CNBD1: variants seen among roughly 807,000 people sequenced by gnomAD.
CNBD1 encodes cyclic nucleotide binding domain containing 1.
Under a neutral mutation model 54.4 loss-of-function variants are expected in CNBD1, and 71 were observed. That is an observed-to-expected ratio of 1.30 (90% confidence interval 1.08 to 1.59). The LOEUF is 1.59. Among genes scored for constraint, CNBD1 ranks in the 40% most tolerant of loss-of-function variants. The pLI, the probability that CNBD1 is intolerant of heterozygous loss-of-function variation, is 0.00. For missense variants in CNBD1, 659 were observed against 518.0 expected, an observed-to-expected ratio of 1.27 and a Z score of -2.64; for synonymous variants, 182 against 170.7, an observed-to-expected ratio of 1.07 and a Z score of -0.51.
chr8:87,107,407 C>G (rs980863774), intron 4 of CNBD1, among the ~76,000 whole-genome samples: 32 of 152,300 alleles, frequency 2.1e-4, no homozygotes, highest in Admixed American at 7.2e-4. Context: ...ATCCTGAACT[C>G]TTTGCTCACC....
chr8:87,151,612 T>C (rs139382217), intron 4 of CNBD1, among the ~76,000 whole-genome samples: 1 of 152,298 alleles, frequency 6.6e-6, no homozygotes, highest in East Asian at 1.9e-4. Flanking sequence ...TTGCTAGGTA[T>C]GAGACAACAC....
chr8:86,937,875 T>G (rs1016715205), intron 3 of CNBD1, among the ~76,000 whole-genome samples: 1 of 152,230 alleles, frequency 6.6e-6, no homozygotes, highest in African/African-American at 2.4e-5. Context: ...GCAGCCACCT[T>G]GAATTTCTCC....
At chr8:87,269,367 T>G (rs1054154676) in intron 6 of CNBD1, among the ~76,000 whole-genome samples, 2 of 152,150 alleles carry the variant, frequency 1.3e-5, no homozygotes, top group African/African-American at 4.8e-5. Flanking sequence ...TGCCTCCAGC[T>G]TCGTTCTTTT....
Position 87,053,350 on chromosome 8 carries a change from G to T in CNBD1, c.431+113596G>T, listed in dbSNP as rs542502569. ...AATAAGGCCACGCTCTTGTACAAAA[G>T]AATATGAGCCACTTTTTCTTCAGGG... On this transcript the variant is annotated intron_variant, in intron 4 of 10. Coordinates refer to ENST00000518476, the MANE Select transcript of CNBD1 (RefSeq NM_173538.3). Among the ~76,000 whole-genome samples the T allele has an allele frequency of 1.7e-4, 26 of 152,304 alleles. No individual in the cohort carries two copies. In the South Asian group the frequency reaches 4.8e-3, roughly 28 times the overall value.
At chr8:87,160,814 C>T (rs1812842821) in intron 4 of CNBD1, among the ~76,000 whole-genome samples, 1 of 151,950 alleles carries the variant, frequency 6.6e-6, no homozygotes, top group African/African-American at 2.4e-5. Context: ...GTGCCCCATG[C>T]CAGTTACAAA....
At chr8:87,192,574 A>T (rs1813635832) in intron 4 of CNBD1, among the ~76,000 whole-genome samples, 1 of 152,190 alleles carries the variant, frequency 6.6e-6, no homozygotes, top group Middle Eastern at 3.2e-3. Context: ...TCTCATTTAA[A>T]AAGGAGACTG....
At chr8:87,068,684 G>T (rs147102704) in intron 4 of CNBD1, among the ~76,000 whole-genome samples, 2 of 152,014 alleles carry the variant, frequency 1.3e-5, no homozygotes, top group African/African-American at 4.8e-5. Flanking sequence ...AATCTGTTTA[G>T]GATGTAACCT....
intron 4 of CNBD1, among the ~76,000 whole-genome samples, chr8:87,094,458 C>T (rs1188960187): frequency 2.5e-4 from 36 of 145,196 alleles, no homozygotes; most frequent in African/African-American, 8.7e-4. Context: ...TTTTTTTTTC[C>T]CTGTCCAGGT....
rs182383269 is a variant in CNBD1, at chr8:87,380,986, A to G, written c.1304-1634A>G. Among the ~76,000 whole-genome samples, 247 of 152,168 alleles carry G rather than the reference A, an allele frequency of 1.6e-3. 4 individuals are homozygous for G. The Middle Eastern group carries it at 0.027, about 17-fold the overall frequency. ...AAATATTTTCACATTTGTCTTGGCA[A>G]TGACTTCATGGATGTGACACCAAAA... On this transcript the variant is annotated intron_variant, in intron 10 of 10. Transcript: ENST00000518476.
chr8:87,131,840 ATT>A (rs1174186828), intron 4 of CNBD1, among the ~76,000 whole-genome samples: 4 of 151,964 alleles, frequency 2.6e-5, no homozygotes, highest in Non-Finnish European at 5.9e-5. Context: ...AAGACCTGAG[ATT>A]TCATTTGGTA....
At chr8:87,247,595 G>A (rs1223411328) in intron 6 of CNBD1, among the ~76,000 whole-genome samples, 8 of 150,952 alleles carry the variant, frequency 5.3e-5, no homozygotes, top group East Asian at 3.9e-4. Flanking sequence ...TCCATTCTGC[G>A]TCACTGAAAT....
At position 87,286,683 on chromosome 8, in the gene CNBD1, G is replaced by T; in HGVS notation, c.1042+12G>T. The T allele has an allele frequency of 6.5e-7, 1 of 1,526,788 alleles. No homozygotes were observed. The highest frequency in any genetic ancestry group is 8.9e-7 in the Non-Finnish European group (1 of 1,128,994). 94.6% of individuals were successfully genotyped at this position (1,526,788 alleles called of 1,614,324 possible). A position where few individuals can be genotyped will look rare whatever the true frequency, so the allele number is the denominator to read the frequency against. On this transcript the variant is annotated intron_variant, in intron 8 of 10. Transcript: ENST00000518476. ...TCCTCCAGGTCATGGTAAGTTTAAT[G>T]CAATTTAGATCATTTTGTTTGCATT... is the stretch of plus-strand genomic sequence containing the variant.
At chr8:86,903,243 C>T (rs375601856) in intron 2 of CNBD1, among the ~76,000 whole-genome samples, 59 of 152,122 alleles carry the variant, frequency 3.9e-4, no homozygotes, top group African/African-American at 1.3e-3. Context: ...AGGCAGCTAA[C>T]TAAGGTTATA....
intron 10 of CNBD1, among the ~76,000 whole-genome samples, chr8:87,357,854 A>G (rs1195474439): frequency 1.3e-5 from 2 of 152,146 alleles, no homozygotes; most frequent in Non-Finnish European, 2.9e-5. Context: ...CCTCATTGTT[A>G]GAGGTGGGGA....
intron 8 of CNBD1, among the ~76,000 whole-genome samples, chr8:87,323,612 C>T (rs1176920772): frequency 1.2e-3 from 147 of 124,942 alleles, no homozygotes; most frequent in Middle Eastern, 4.1e-3. Context: ...TTGTCTGTTG[C>T]TGGTGTATAA....
intron 4 of CNBD1, among the ~76,000 whole-genome samples, chr8:86,977,166 C>G (rs117093408): frequency 6.6e-6 from 1 of 151,984 alleles, no homozygotes. Context: ...GCCTTGTCAC[C>G]TATGGCCTTT....
chr8:87,421,221 C>T (rs187664002), intron 2 of CNBD1, among the ~76,000 whole-genome samples: 2,075 of 149,652 alleles, frequency 0.014, 53 homozygotes, highest in African/African-American at 0.047. Context: ...TCTCATTTTC[C>T]TTTTCTTTTT....
chr8:87,211,006 G>T (rs1289030898), intron 5 of CNBD1, among the ~76,000 whole-genome samples: 1 of 152,116 alleles, frequency 6.6e-6, no homozygotes, highest in Non-Finnish European at 1.5e-5. Context: ...AACCTCAGGG[G>T]CCATACCCTG....
chr8:86,976,913 TAAC>T (rs2130500981), intron 4 of CNBD1, among the ~76,000 whole-genome samples: 1 of 152,180 alleles, frequency 6.6e-6, no homozygotes, highest in East Asian at 1.9e-4. Flanking sequence ...TTATGAGTTT[TAAC>T]AACTTTTTTT....
Sources: allele counts gnomAD v4.1 joint callset (sites outside exome capture counted in the v4.1 genomes callset), GRCh38; gene constraint gnomAD v4.1.1; transcripts MANE v1.5; gene names NCBI Gene and HGNC (gene_info 2026-07-23, HGNC 2026-07-21).